The following AOPEP variants were observed in gnomAD, a reference collection of about 807,000 sequenced individuals.
The protein encoded by AOPEP is aminopeptidase O (putative).
In AOPEP, 77 loss-of-function variants were observed where a neutral mutation model predicts 98.1. The observed-to-expected ratio is 0.78, with a 90% CI of 0.65 to 0.95. The LOEUF (loss-of-function observed/expected upper bound fraction) is 0.95, where lower values mean the gene tolerates loss of function less well. AOPEP is among the 40% of genes least tolerant of loss of function. AOPEP has a pLI of 0.00. For synonymous variants in AOPEP, 346 were observed against 365.3 expected, an observed-to-expected ratio of 0.95 and a Z score of 0.60; for missense variants, 1,024 against 1,024.7, an observed-to-expected ratio of 1.00 and a Z score of 0.01.
chr9:95,101,760 T>G, the AOPEP span: 1 of 1,614,170 alleles, frequency 6.2e-7, no homozygotes, highest in Admixed American at 1.7e-5. Context: ...TTTTCTGATC[T>G]AGGGCTTTCA....
chr9:94,737,190 CA>C (rs1175214111), intron 1 of AOPEP, among the ~76,000 whole-genome samples: 15 of 151,842 alleles, frequency 9.9e-5, no homozygotes, highest in Non-Finnish European at 2.9e-5. Context: ...AGTGCAGGCT[CA>C]AACTCCTGGG....
intron 1 of AOPEP, among the ~76,000 whole-genome samples, chr9:94,734,478 G>A (rs1831287186): frequency 1.3e-5 from 2 of 152,296 alleles, no homozygotes; most frequent in African/African-American, 4.8e-5. Flanking sequence ...TTTCAATAAT[G>A]AGAATTTCCT....
intron 5 of AOPEP, among the ~76,000 whole-genome samples, chr9:94,819,323 A>C (rs1196921680): frequency 6.6e-6 from 1 of 152,208 alleles, no homozygotes; most frequent in Admixed American, 6.5e-5. Flanking sequence ...CCCCACCCGC[A>C]TCTTCCAAAT....
intron 13 of AOPEP, among the ~76,000 whole-genome samples, chr9:95,021,348 T>C (rs10993456): frequency 0.1 from 15,857 of 152,220 alleles, 952 homozygotes; most frequent in East Asian, 0.18. Flanking sequence ...AGTACTGAGC[T>C]GATTCAGACT....
At position 94,973,923 on chromosome 9, in the gene AOPEP, T is replaced by C. The variant is rs534736844; in HGVS notation, c.1917-5444T>C. Among the ~76,000 whole-genome samples the C allele has an allele frequency of 3.9e-5, 6 of 152,318 alleles. No individual in the cohort carries two copies. The South Asian group carries it at 1.2e-3, about 32-fold the overall frequency. On this transcript the variant is annotated intron_variant, in intron 10 of 16. Coordinates refer to ENST00000375315, the MANE Select transcript of AOPEP (RefSeq NM_001193329.3). ...TCACCGTTGGCTTGGATTCTGAATATCTTGATTTGAAAAAGTCAGCTTTTA... is the reference window on the plus strand; with the variant it reads ...TCACCGTTGGCTTGGATTCTGAATACCTTGATTTGAAAAAGTCAGCTTTTA...
At chr9:94,822,797 A>G (rs954893711) in intron 5 of AOPEP, among the ~76,000 whole-genome samples, 1 of 152,132 alleles carries the variant, frequency 6.6e-6, no homozygotes, top group Non-Finnish European at 1.5e-5. Flanking sequence ...GTATCATCCC[A>G]TTTAAGACTT....
chr9:95,106,883 T>C, the AOPEP span, among the ~76,000 whole-genome samples: 1 of 152,096 alleles, frequency 6.6e-6, no homozygotes, highest in Non-Finnish European at 1.5e-5. Flanking sequence ...TTCTATGACA[T>C]AAAGGTGCTG....
At chr9:95,059,985 A>G (rs1326443407) in intron 13 of AOPEP, among the ~76,000 whole-genome samples, 1 of 152,152 alleles carries the variant, frequency 6.6e-6, no homozygotes, top group South Asian at 2.1e-4. Flanking sequence ...TGTATTTCAC[A>G]TACATTGTGT....
At chr9:95,135,338 G>C in the AOPEP span, 1 of 1,613,532 alleles carries the variant, frequency 6.2e-7, no homozygotes, top group South Asian at 1.1e-5. Flanking sequence ...TCAAAACCCA[G>C]TACGTACCAG....
chr9:95,045,484 G>A (rs1208009021), intron 13 of AOPEP, among the ~76,000 whole-genome samples: 1 of 152,232 alleles, frequency 6.6e-6, no homozygotes, highest in Admixed American at 6.5e-5. Flanking sequence ...GGACACGCCT[G>A]AGTTTTTCTA....
At chr9:95,074,518 C>A (rs376278769) in intron 14 of AOPEP, among the ~76,000 whole-genome samples, 1 of 152,174 alleles carries the variant, frequency 6.6e-6, no homozygotes, top group Non-Finnish European at 1.5e-5. Context: ...GTATAAATTG[C>A]GCCTCTGTGT....
At chr9:95,125,337 A>G in the AOPEP span, 4 of 702,718 alleles carry the variant, frequency 5.7e-6, no homozygotes, top group Non-Finnish European at 1.0e-5. Context: ...CTTGTGTGAA[A>G]ACAGGATAAA....
the AOPEP span, chr9:95,107,327 T>C: frequency 4.5e-6 from 7 of 1,546,238 alleles, no homozygotes; most frequent in African/African-American, 9.5e-5. Flanking sequence ...GACATACTTC[T>C]AGGATTTATT....
At chr9:95,016,264 T>TG (rs11437846) in intron 13 of AOPEP, among the ~76,000 whole-genome samples, 4 of 149,220 alleles carry the variant, frequency 2.7e-5, no homozygotes, top group South Asian at 4.3e-4. Flanking sequence ...TTTTTTTTTT[T>TG]GAAACGTATT....
At chr9:94,773,387 G>A (rs1281460634) in intron 3 of AOPEP, 6 of 397,378 alleles carry the variant, frequency 1.5e-5, no homozygotes, top group African/African-American at 2.0e-5. Flanking sequence ...TAGAGTTGTC[G>A]GTTCATAGAC....
At chr9:95,071,390 G>A (rs2068496749) in intron 14 of AOPEP, among the ~76,000 whole-genome samples, 2 of 150,284 alleles carry the variant, frequency 1.3e-5, no homozygotes, top group African/African-American at 2.5e-5. Context: ...TGTTGCTGTT[G>A]GAAACATCAA....
At chr9:94,935,689 A>C (rs2056155597) in intron 7 of AOPEP, among the ~76,000 whole-genome samples, 1 of 152,134 alleles carries the variant, frequency 6.6e-6, no homozygotes. Flanking sequence ...AGAGCATGCC[A>C]AGGGCTGGTG....
At chr9:95,057,080 T>C (rs2066889325) in intron 13 of AOPEP, among the ~76,000 whole-genome samples, 1 of 152,222 alleles carries the variant, frequency 6.6e-6, no homozygotes, top group Non-Finnish European at 1.5e-5. Flanking sequence ...GAACTGTGGG[T>C]GTGAGCACTG....
intron 1 of AOPEP, among the ~76,000 whole-genome samples, chr9:94,739,997 A>C (rs72747021): frequency 0.012 from 1,819 of 152,302 alleles, 21 homozygotes; most frequent in South Asian, 0.043. Context: ...CACAGAAACA[A>C]GCTGCTTTTG....
Sources: allele counts gnomAD v4.1 joint callset (sites outside exome capture counted in the v4.1 genomes callset), GRCh38; gene constraint gnomAD v4.1.1; transcripts MANE v1.5; gene names NCBI Gene and HGNC (gene_info 2026-07-23, HGNC 2026-07-21).